The following AGBL1 variants were observed in gnomAD, a reference collection of about 807,000 sequenced individuals.
The protein encoded by AGBL1 is cytosolic carboxypeptidase 4.
AGBL1 carries 130 observed loss-of-function variants against 118.9 expected under a neutral mutation model. The observed-to-expected ratio is 1.09, with a 90% CI of 0.95 to 1.26. AGBL1 has a LOEUF of 1.26. AGBL1 is among the 50% of genes most tolerant of loss of function. The pLI is 0.00. For missense variants in AGBL1, 1,584 were observed against 1,298.1 expected (o/e 1.22, Z -3.38); for synonymous variants, 555 against 478.9 (o/e 1.16, Z -2.08).
chr15:86,714,463 G>T (rs1459739158), intron 22 of AGBL1, among the ~76,000 whole-genome samples: 3 of 152,180 alleles, frequency 2.0e-5, no homozygotes, highest in African/African-American at 7.2e-5. Flanking sequence ...GGGATTTGGA[G>T]CAATGGCTGT....
chr15:86,288,378 C>T (rs1011521005), intron 16 of AGBL1, among the ~76,000 whole-genome samples: 29 of 152,168 alleles, frequency 1.9e-4, no homozygotes, highest in Admixed American at 1.6e-3. Context: ...TGCCATCTCT[C>T]GTGGGATACC....
intron 22 of AGBL1, among the ~76,000 whole-genome samples, chr15:86,813,242 G>A (rs1484162052): frequency 1.3e-5 from 2 of 152,034 alleles, no homozygotes; most frequent in Non-Finnish European, 2.9e-5. Flanking sequence ...AGGTTAGTAG[G>A]GGTCAGTCCA....
chr15:86,941,225 A>G (rs2080747661), intron 23 of AGBL1, among the ~76,000 whole-genome samples: 2 of 152,234 alleles, frequency 1.3e-5, no homozygotes, highest in Admixed American at 1.3e-4. Flanking sequence ...AAATATTCTG[A>G]GACTCTTTTC....
At chr15:86,736,757 A>C (rs2077606484) in intron 22 of AGBL1, among the ~76,000 whole-genome samples, 1 of 152,198 alleles carries the variant, frequency 6.6e-6, no homozygotes, top group Admixed American at 6.5e-5. Context: ...TGGAAGTATA[A>C]ACAGGCCTGC....
rs181253150 is a variant in AGBL1 at position 86,421,240 on chromosome 15, A to G, written c.2555+23694A>G. ...AAGGGCGGGTTACCCATAAAGGGAA[A>G]CCATCAGGATAACAGCATATCTCTC... On this transcript the variant is annotated intron_variant, in intron 18 of 22. Transcript: ENST00000614907. Among the ~76,000 whole-genome samples the G allele has an allele frequency of 3.2e-3, 482 of 152,296 alleles. 1 individual carries two copies. The highest frequency in any genetic ancestry group is 0.011 in the African/African-American group (455 of 41,566).
At chr15:86,534,062 T>G (rs559958246) in intron 19 of AGBL1, among the ~76,000 whole-genome samples, 1 of 125,692 alleles carries the variant, frequency 8.0e-6, no homozygotes, top group Non-Finnish European at 1.6e-5. Flanking sequence ...TGTATACATA[T>G]GTAACTAACC....
At chr15:86,209,500 C>A (rs551576123) in intron 5 of AGBL1, among the ~76,000 whole-genome samples, 1 of 152,246 alleles carries the variant, frequency 6.6e-6, no homozygotes, top group Admixed American at 6.5e-5. Context: ...CTGGGTGCTC[C>A]TCTATTGGGT....
intron 22 of AGBL1, among the ~76,000 whole-genome samples, chr15:86,900,121 G>A (rs969574558): frequency 1.3e-5 from 2 of 152,114 alleles, no homozygotes; most frequent in Non-Finnish European, 2.9e-5. Flanking sequence ...GAGCTCTCGG[G>A]CCTTCAGCCA....
intron 5 of AGBL1, among the ~76,000 whole-genome samples, chr15:86,184,840 C>G (rs997790769): frequency 6.6e-6 from 1 of 152,062 alleles, no homozygotes; most frequent in Non-Finnish European, 1.5e-5. Flanking sequence ...CAATCCTAAG[C>G]CAAAAGAACA....
intron 9 of AGBL1, 90 bp from the exon 10 acceptor site, chr15:86,262,688 G>T (rs534662149): frequency 2.3e-6 from 2 of 882,236 alleles, no homozygotes; most frequent in East Asian, 5.3e-5. Context: ...CATGTCCTAA[G>T]ATTCTGAAGA....
intron 22 of AGBL1, among the ~76,000 whole-genome samples, chr15:86,868,609 G>A (rs149153215): frequency 1.4e-4 from 21 of 152,272 alleles, no homozygotes; most frequent in African/African-American, 3.4e-4. Context: ...TAAAGCATTC[G>A]TGAAGAGGAT....
intron 21 of AGBL1, among the ~76,000 whole-genome samples, chr15:86,596,585 TTCTC>T (rs1339367054): frequency 6.6e-6 from 1 of 152,228 alleles, no homozygotes; most frequent in Admixed American, 6.5e-5. Flanking sequence ...CCTGGTGGAC[TTCTC>T]TCTCTTTTTT....
At chr15:86,844,564 C>G (rs947370622) in intron 22 of AGBL1, among the ~76,000 whole-genome samples, 1 of 152,078 alleles carries the variant, frequency 6.6e-6, no homozygotes, top group Non-Finnish European at 1.5e-5. Context: ...GGATTTTTGT[C>G]TACCTATTAA....
intron 10 of AGBL1, among the ~76,000 whole-genome samples, 161 bp from the exon 11 acceptor site, chr15:86,264,097 T>C (rs2079033951): frequency 6.6e-6 from 1 of 152,180 alleles, no homozygotes; most frequent in South Asian, 2.1e-4. Flanking sequence ...CTGTCATTTA[T>C]TTGACTCTTG....
intron 24 of AGBL1, among the ~76,000 whole-genome samples, chr15:87,011,174 C>T (rs1379857723): frequency 1.3e-5 from 2 of 152,126 alleles, no homozygotes; most frequent in Admixed American, 6.5e-5. Flanking sequence ...TTTGCACTCC[C>T]TTCTTCCCAT....
At chr15:86,741,358 G>GTGAA in intron 22 of AGBL1, among the ~76,000 whole-genome samples, 1 of 84,032 alleles carries the variant, frequency 1.2e-5, no homozygotes, top group Non-Finnish European at 2.2e-5. Context: ...CCTAGCCCAA[G>GTGAA]TGAACAGTGG....
intron 6 of AGBL1, among the ~76,000 whole-genome samples, chr15:86,239,428 A>C (rs1003396909): frequency 1.3e-5 from 2 of 152,190 alleles, no homozygotes; most frequent in African/African-American, 4.8e-5. Context: ...GCTTTTGTAC[A>C]TATCCTTATG....
chr15:86,280,297 G>C (rs1207411205), intron 16 of AGBL1, among the ~76,000 whole-genome samples: 2 of 152,140 alleles, frequency 1.3e-5, no homozygotes, highest in African/African-American at 4.8e-5. Context: ...GAAGGATCCA[G>C]GGTGGAAGAG....
intron 1 of AGBL1, among the ~76,000 whole-genome samples, chr15:86,123,340 A>G (rs926897187): frequency 3.3e-5 from 5 of 152,148 alleles, no homozygotes; most frequent in Non-Finnish European, 7.3e-5. Context: ...CCCAGGTTCA[A>G]GCAATTCTCC....
Sources: allele counts gnomAD v4.1 joint callset (sites outside exome capture counted in the v4.1 genomes callset), GRCh38; gene constraint gnomAD v4.1.1; transcripts MANE v1.5; gene names NCBI Gene and HGNC (gene_info 2026-07-23, HGNC 2026-07-21).